Variants in DDX60L observed in about 807,000 individuals in gnomAD.
The protein encoded by DDX60L is DExD/H-box 60 like.
In DDX60L, 191 loss-of-function variants were observed where a neutral mutation model predicts 211.6. The ratio of observed to expected loss-of-function variants is 0.90; its 90% CI spans 0.80 to 1.02. The LOEUF is 1.02. Among genes scored for constraint, DDX60L ranks in the 50% least tolerant of loss-of-function variants. The pLI is 0.00. For missense variants in DDX60L, 2,007 were observed against 1,984.1 expected (o/e 1.01, Z -0.22); for synonymous variants, 706 against 694.1 (o/e 1.02, Z -0.27).
At chr4:168,429,561 T>C (rs938198270) in intron 13 of DDX60L, among the ~76,000 whole-genome samples, 2 of 152,268 alleles carry the variant, frequency 1.3e-5, no homozygotes, top group African/African-American at 4.8e-5. Context: ...CTAAAAAAGA[T>C]AGAATACTAG....
At chr4:168,438,187 A>C (rs114201172) in intron 10 of DDX60L, among the ~76,000 whole-genome samples, 1 of 152,148 alleles carries the variant, frequency 6.6e-6, no homozygotes, top group East Asian at 1.9e-4. Context: ...GTTTTTAGAC[A>C]AAGCTTTGTT....
intron 10 of DDX60L, among the ~76,000 whole-genome samples, chr4:168,441,117 C>G (rs567915894): frequency 6.6e-6 from 1 of 152,184 alleles, no homozygotes; most frequent in South Asian, 2.1e-4. Flanking sequence ...GGTTATCACA[C>G]AGATGTATAT....
chr4:168,441,635 A>C, intron 9 of DDX60L, 143 bp from the exon 10 acceptor site: 2 of 621,966 alleles, frequency 3.2e-6, no homozygotes, highest in Non-Finnish European at 5.3e-6. Context: ...ATACACTTGC[A>C]TGAAAATTAG....
chr4:168,421,178 A>T (rs1241208990), intron 17 of DDX60L, among the ~76,000 whole-genome samples: 1 of 152,152 alleles, frequency 6.6e-6, no homozygotes. Context: ...GAAAATAAAA[A>T]AGGAAAGGGG....
At chr4:168,395,913 A>G (rs769706102) in intron 27 of DDX60L, 46 bp downstream of exon 27, 2 of 1,303,074 alleles carry the variant, frequency 1.5e-6, no homozygotes, top group Non-Finnish European at 2.2e-6. Context: ...CACTATGATA[A>G]AATGTCACAA....
chr4:168,465,059 T>C (rs1468922688), intron 4 of DDX60L, among the ~76,000 whole-genome samples: 4 of 152,126 alleles, frequency 2.6e-5, no homozygotes, highest in African/African-American at 9.7e-5. Flanking sequence ...TTTGTGTTTT[T>C]TGAGGAACCT....
intron 10 of DDX60L, among the ~76,000 whole-genome samples, chr4:168,436,946 C>G (rs1753115981): frequency 6.6e-6 from 1 of 152,150 alleles, no homozygotes; most frequent in African/African-American, 2.4e-5. Context: ...CTCCAGGGGA[C>G]ATTGGGCTGC....
intron 22 of DDX60L, among the ~76,000 whole-genome samples, chr4:168,410,738 GA>G (rs1248016772): frequency 6.6e-6 from 1 of 152,100 alleles, no homozygotes; most frequent in African/African-American, 2.4e-5. Flanking sequence ...TGAGATCTCC[GA>G]AAACTTCATC....
At position 168,448,628 on chromosome 4, in the gene DDX60L, C is replaced by A. The variant is rs754255514; in HGVS notation, c.1138+10G>T. ...TCATGATATAATGTTAATGCATATT[C>A]AGGTACTACCTTGAGTACTTTCAAA... On this transcript the variant is annotated intron_variant, in intron 9 of 37. Coordinates refer to ENST00000682922, the MANE Select transcript of DDX60L (RefSeq NM_001012967.3). The A allele has an allele frequency of 1.1e-5, 17 of 1,509,562 alleles. No individual in the cohort carries two copies. The African/African-American group carries it at 2.2e-4, about 20-fold the overall frequency. The allele number at this position is 1,509,562 out of a possible 1,614,324, so 93.5% of individuals were successfully genotyped here. A position where few individuals can be genotyped will look rare whatever the true frequency, so the allele number is the denominator to read the frequency against.
chr4:168,458,773 C>A (rs1756925517), intron 5 of DDX60L, among the ~76,000 whole-genome samples: 1 of 152,122 alleles, frequency 6.6e-6, no homozygotes, highest in Non-Finnish European at 1.5e-5. Context: ...TGTAACAAAC[C>A]TGCATGTTCT....
chr4:168,383,915 C>T (rs574771715), intron 30 of DDX60L, among the ~76,000 whole-genome samples: 1 of 152,300 alleles, frequency 6.6e-6, no homozygotes, highest in African/African-American at 2.4e-5. Context: ...TAACATTTGA[C>T]TCAGTGGGCT....
intron 5 of DDX60L, among the ~76,000 whole-genome samples, chr4:168,461,067 C>G (rs2712130): frequency 1.4e-4 from 22 of 152,088 alleles, no homozygotes; most frequent in Non-Finnish European, 2.8e-4. Flanking sequence ...CCTCACTGTT[C>G]GAGAGTTTTT....
At chr4:168,385,864 G>A (rs1475909443) in intron 29 of DDX60L, among the ~76,000 whole-genome samples, 1 of 152,106 alleles carries the variant, frequency 6.6e-6, no homozygotes, top group Non-Finnish European at 1.5e-5. Flanking sequence ...AAGATGATAC[G>A]TAAAAGAAAC....
chr4:168,431,532 T>C (rs1752336142), intron 12 of DDX60L, among the ~76,000 whole-genome samples: 1 of 133,588 alleles, frequency 7.5e-6, no homozygotes, highest in Non-Finnish European at 1.5e-5. Flanking sequence ...AAGGGGAACA[T>C]CACACTCTGG....
intron 26 of DDX60L, among the ~76,000 whole-genome samples, chr4:168,397,811 A>G (rs6845607): frequency 0.92 from 139,626 of 152,250 alleles, 65,161 homozygotes; most frequent in East Asian, 1. Context: ...GAGCCAGCAG[A>G]AGCTGGGAAC....
rs375616374 is a variant in DDX60L at position 168,420,330 on chromosome 4, C to T, written c.2445G>A (p.Thr815=). Residue 815 remains threonine, a synonymous_variant, in exon 18 of 38, where the codon ACG becomes ACA. Transcript: ENST00000682922. Reference sequence around the variant, plus strand: ...CGCATAGAGTTCTGCCGGCAGGCAACGTTTTAGTAAAACGATTCTCAACAG... The same window carrying T: ...CGCATAGAGTTCTGCCGGCAGGCAATGTTTTAGTAAAACGATTCTCAACAG... The part of the protein sequence containing the change: ...AATVENRFTK[T]LPAGRTLCGA... The T allele has an allele frequency of 4.3e-6, 7 of 1,611,660 alleles. No homozygotes were observed. Among genetic ancestry groups the T allele is most frequent in the South Asian group, 3.3e-5 (3 of 90,444 alleles).
intron 1 of DDX60L, among the ~76,000 whole-genome samples, chr4:168,474,187 G>A (rs1579899096): frequency 6.6e-6 from 1 of 152,166 alleles, no homozygotes; most frequent in South Asian, 2.1e-4. Flanking sequence ...GGACAGGATT[G>A]CTACAGACAG....
At chr4:168,465,581 C>T (rs997642568) in intron 4 of DDX60L, among the ~76,000 whole-genome samples, 1 of 152,082 alleles carries the variant, frequency 6.6e-6, no homozygotes, top group African/African-American at 2.4e-5. Context: ...AACCAATGTC[C>T]TGAAGCATTT....
chr4:168,401,975 T>C (rs1397426515), intron 25 of DDX60L, among the ~76,000 whole-genome samples: 1 of 152,134 alleles, frequency 6.6e-6, no homozygotes, highest in Non-Finnish European at 1.5e-5. Flanking sequence ...ATCTCTACCA[T>C]GACGTTATGA....
Sources: gnomAD v4.1 joint callset for allele counts (sites outside exome capture counted in the v4.1 genomes callset) on GRCh38, gnomAD v4.1.1 for gene constraint, MANE v1.5 for transcripts, NCBI Gene and HGNC (gene_info 2026-07-23, HGNC 2026-07-21) for gene names.